The following ST8SIA5 variants were observed in gnomAD, a reference collection of about 807,000 sequenced individuals.
ST8SIA5 encodes ST8 alpha-N-acetyl-neuraminide alpha-2,8-sialyltransferase 5.
Under a neutral mutation model 40.2 loss-of-function variants are expected in ST8SIA5, and 24 were observed. The ratio of observed to expected loss-of-function variants is 0.60; its 90% confidence interval spans 0.43 to 0.84. ST8SIA5 has a LOEUF of 0.84. Ranked by LOEUF, ST8SIA5 falls within the 40% of genes least tolerant of loss-of-function variation. The pLI is 0.00. For synonymous variants in ST8SIA5, 198 were observed against 201.8 expected (o/e 0.98, Z 0.16); for missense variants, 465 against 498.5 (o/e 0.93, Z 0.64).
chr18:46,728,999 C>T (rs184880398), intron 1 of ST8SIA5, among the ~76,000 whole-genome samples: 15 of 152,302 alleles, frequency 9.8e-5, no homozygotes, highest in Non-Finnish European at 1.9e-4. Context: ...TGCAGTTTCA[C>T]TTGCACCCCT....
chr18:46,691,271 A>T (rs1371268864), intron 3 of ST8SIA5, among the ~76,000 whole-genome samples: 1 of 152,176 alleles, frequency 6.6e-6, no homozygotes, highest in African/African-American at 2.4e-5. Context: ...CATTTCTAAA[A>T]ATGTGCCTCT....
intron 1 of ST8SIA5, among the ~76,000 whole-genome samples, chr18:46,736,434 GA>G (rs2040035323): frequency 6.6e-6 from 1 of 152,218 alleles, no homozygotes. Flanking sequence ...GGGGCACATA[GA>G]TGTGGGGATA....
At chr18:46,680,648 A>G (rs1002753687) in intron 6 of ST8SIA5, 138 bp from the exon 7 acceptor site, 68 of 855,604 alleles carry the variant, frequency 7.9e-5, no homozygotes, top group Non-Finnish European at 1.0e-4. Flanking sequence ...CACCTCACGC[A>G]CCTGTGCAGA....
intron 1 of ST8SIA5, among the ~76,000 whole-genome samples, chr18:46,720,329 C>G (rs1276477679): frequency 6.6e-6 from 1 of 152,146 alleles, no homozygotes; most frequent in Non-Finnish European, 1.5e-5. Context: ...ATGTCCAGAG[C>G]TCCCTCTGCA....
chr18:46,714,212 C>T (rs752766322), intron 1 of ST8SIA5, among the ~76,000 whole-genome samples: 1 of 152,082 alleles, frequency 6.6e-6, no homozygotes, highest in East Asian at 1.9e-4. Context: ...GGATGCCGGG[C>T]TATAAATGGA....
chr18:46,679,686 G>A lies in ST8SIA5; in HGVS notation c.*356C>T, dbSNP rs2144453667. 3.3e-6 allele frequency: 1 copy of A among 306,112 alleles called. No homozygotes were observed. Among genetic ancestry groups the A allele is most frequent in the Non-Finnish European group, 6.2e-6 (1 of 161,812 alleles). 19.0% of individuals were successfully genotyped at this position (306,112 alleles called of 1,614,324 possible). On this transcript the variant is annotated 3_prime_UTR_variant, in exon 7 of 7. Coordinates refer to ENST00000315087, the MANE Select transcript of ST8SIA5 (RefSeq NM_013305.6). Reference sequence around the variant, plus strand: ...CTTCCTTCAGCTGCAACAAGGGCCTGCAGTTTGTGCTCTCTCTCGGATGAC... The same window carrying A: ...CTTCCTTCAGCTGCAACAAGGGCCTACAGTTTGTGCTCTCTCTCGGATGAC...
chr18:46,677,072 G>A lies in ST8SIA5; in HGVS notation c.*2970C>T, dbSNP rs1011077696. 3.9e-5 allele frequency: 6 copies of A among 152,172 alleles called. No homozygotes were observed. Among genetic ancestry groups the A allele is most frequent in the African/African-American group, 1.4e-4 (6 of 41,438 alleles). 9.4% of individuals were successfully genotyped at this position (152,172 alleles called of 1,614,324 possible). ...TCAGTTCCCCTCCAGTGCCACTGTGGGTAAGTCGCTACTGCTGTAGGCGGC... is the reference window on the plus strand; with the variant it reads ...TCAGTTCCCCTCCAGTGCCACTGTGAGTAAGTCGCTACTGCTGTAGGCGGC... On this transcript the variant is annotated 3_prime_UTR_variant, in exon 7 of 7. Transcript: ENST00000315087.
intron 4 of ST8SIA5, among the ~76,000 whole-genome samples, chr18:46,687,087 C>T (rs2144470704): frequency 6.6e-6 from 1 of 152,322 alleles, no homozygotes; most frequent in East Asian, 1.9e-4. Context: ...GACAAGCGAA[C>T]TACATACAGC....
chr18:46,723,765 A>C, intron 1 of ST8SIA5, among the ~76,000 whole-genome samples: 1 of 151,904 alleles, frequency 6.6e-6, no homozygotes, highest in South Asian at 2.1e-4. Context: ...GTCTCTACTA[A>C]AAATACAAAA....
Position 46,668,650 on chromosome 18 carries a change from T to C in ST8SIA5, c.*11392A>G, listed in dbSNP as rs2039290039. The C allele has an allele frequency of 6.6e-6, 1 of 152,218 alleles. No individual in the cohort carries two copies. The highest frequency in any genetic ancestry group is 6.5e-5 in the Admixed American group (1 of 15,284). 9.4% of individuals were successfully genotyped at this position (152,218 alleles called of 1,614,324 possible). ...ATTTCAAAGTTCAAACAATACTGTA[T>C]TGAAGAAGAGTTATGGCTCTCTGAT... On this transcript the variant is annotated 3_prime_UTR_variant, in exon 7 of 7. Transcript: ENST00000315087.
intron 1 of ST8SIA5, among the ~76,000 whole-genome samples, chr18:46,715,029 C>T (rs1251538640): frequency 6.6e-6 from 1 of 152,180 alleles, no homozygotes; most frequent in Non-Finnish European, 1.5e-5. Context: ...CTGCCAGGCC[C>T]CAAGAAGCCC....
intron 1 of ST8SIA5, among the ~76,000 whole-genome samples, chr18:46,753,575 A>G (rs1442695014): frequency 2.1e-5 from 3 of 144,360 alleles, no homozygotes; most frequent in African/African-American, 7.5e-5. Context: ...TCCATCTCAG[A>G]AAAAAAAAAA....
chr18:46,709,152 G>A (rs923055492), intron 1 of ST8SIA5, among the ~76,000 whole-genome samples: 3 of 152,202 alleles, frequency 2.0e-5, no homozygotes, highest in Admixed American at 2.0e-4. Context: ...TAAGTTTCAT[G>A]TTTAAACTTA....
intron 2 of ST8SIA5, among the ~76,000 whole-genome samples, chr18:46,701,398 C>T (rs2039614995): frequency 1.3e-5 from 2 of 152,050 alleles, no homozygotes; most frequent in African/African-American, 4.8e-5. Flanking sequence ...GCCTCAGCCT[C>T]CCAAAGTGCT....
intron 1 of ST8SIA5, among the ~76,000 whole-genome samples, chr18:46,714,447 AAGG>A (rs1368620077): frequency 6.6e-6 from 1 of 152,194 alleles, no homozygotes; most frequent in Admixed American, 6.5e-5. Flanking sequence ...GATCGTGAAG[AAGG>A]AGAAGAGGGA....
At chr18:46,756,130 C>T (rs1378852811) in intron 1 of ST8SIA5, among the ~76,000 whole-genome samples, 1 of 152,220 alleles carries the variant, frequency 6.6e-6, no homozygotes, top group Non-Finnish European at 1.5e-5. Context: ...GCTTGGAATT[C>T]TATTCTGTCC....
chr18:46,728,649 CTCA>C (rs1409763862), intron 1 of ST8SIA5, among the ~76,000 whole-genome samples: 1 of 152,210 alleles, frequency 6.6e-6, no homozygotes, highest in East Asian at 1.9e-4. Flanking sequence ...TGGCCATGTG[CTCA>C]AGACAAAATG....
intron 1 of ST8SIA5, among the ~76,000 whole-genome samples, chr18:46,728,085 C>T (rs1004924238): frequency 2.6e-5 from 4 of 151,940 alleles, no homozygotes; most frequent in Non-Finnish European, 5.9e-5. Context: ...GTCCCAGCTA[C>T]TCAGGAGGCT....
At chr18:46,733,344 C>T (rs778929567) in intron 1 of ST8SIA5, among the ~76,000 whole-genome samples, 8 of 152,134 alleles carry the variant, frequency 5.3e-5, no homozygotes, top group Non-Finnish European at 1.0e-4. Flanking sequence ...CACAGTGTAT[C>T]GAGGGTACCT....
Sources: gnomAD v4.1 joint callset for allele counts (sites outside exome capture counted in the v4.1 genomes callset) on GRCh38, gnomAD v4.1.1 for gene constraint, MANE v1.5 for transcripts, NCBI Gene and HGNC (gene_info 2026-07-23, HGNC 2026-07-21) for gene names.